Variants in SVOPL observed in about 807,000 individuals in gnomAD.
SVOPL encodes putative transporter SVOPL.
In SVOPL, 60 loss-of-function variants were observed where a neutral mutation model predicts 61.0. The ratio of observed to expected loss-of-function variants is 0.98; its 90% CI spans 0.80 to 1.22. The LOEUF is 1.22. Ranked by LOEUF, SVOPL falls within the 50% of genes most tolerant of loss-of-function variation. SVOPL has a pLI of 0.00. For synonymous variants in SVOPL, 279 were observed against 250.0 expected (o/e 1.12, Z -1.09); for missense variants, 662 against 643.9 (o/e 1.03, Z -0.30).
At position 138,636,224 on chromosome 7, in the gene SVOPL, G is replaced by A. The variant is rs138787357; in HGVS notation, c.790-6102C>T. On this transcript the variant is annotated intron_variant, in intron 9 of 15. Transcript: ENST00000674285. The stretch of plus-strand genomic sequence containing the variant: ...ATTACAGGCATGAGCCACTGGGCCC[G>A]GCTGAAAAATAATAATTTTTAAAAT... Among the ~76,000 whole-genome samples, 278 of 152,062 alleles carry A rather than the reference G, an allele frequency of 1.8e-3. 1 individual carries two copies. The highest frequency in any genetic ancestry group is 6.5e-3 in the African/African-American group (270 of 41,462).
At chr7:138,642,161 T>C (rs1800836355) in intron 9 of SVOPL, among the ~76,000 whole-genome samples, 1 of 151,396 alleles carries the variant, frequency 6.6e-6, no homozygotes, top group South Asian at 2.1e-4. Flanking sequence ...ATACATTTAC[T>C]CTTGAGACAT....
intron 1 of SVOPL, among the ~76,000 whole-genome samples, chr7:138,685,908 G>A (rs868208373): frequency 2.6e-5 from 4 of 151,874 alleles, no homozygotes; most frequent in Non-Finnish European, 5.9e-5. Context: ...AAATAAAAAG[G>A]CTAGAGGAAA....
chr7:138,602,441 C>CGCTATATA, intron 14 of SVOPL, among the ~76,000 whole-genome samples: 1 of 140,752 alleles, frequency 7.1e-6, no homozygotes, highest in South Asian at 2.3e-4. Flanking sequence ...AAGGCAGTTG[C>CGCTATATA]TATATATATA....
At chr7:138,662,115 G>A (rs1802028207) in intron 5 of SVOPL, 2 of 985,348 alleles carry the variant, frequency 2.0e-6, no homozygotes, top group Middle Eastern at 5.2e-4. Context: ...TCATTTAAGA[G>A]CATGGGCTTC....
intron 8 of SVOPL, chr7:138,646,007 G>A (rs1801088326): frequency 6.3e-6 from 1 of 158,244 alleles, no homozygotes; most frequent in Admixed American, 6.5e-5. Flanking sequence ...GTAGAGATGG[G>A]GTTTCACCAT....
chr7:138,672,142 ATGTCTAAGTGCCAGCT>A, intron 3 of SVOPL, 25 bp from the exon 4 acceptor site: 1 of 1,546,228 alleles, frequency 6.5e-7, no homozygotes, highest in Non-Finnish European at 8.8e-7. Context: ...ACACCATGCC[ATGTCTAAGTGCCAGCT>A]TGTCATCACT....
At position 138,661,868 on chromosome 7, in the gene SVOPL, C is replaced by T. The variant is rs28539176; in HGVS notation, c.345+1206G>A. On this transcript the variant is annotated intron_variant, in intron 5 of 15. Transcript: ENST00000674285. Reference sequence around the variant, plus strand: ...ATAAACTCCCTACTTATATTAATTTCGTCTCTGTTTCTTCCTTTAGGTCAA... The same window carrying T: ...ATAAACTCCCTACTTATATTAATTTTGTCTCTGTTTCTTCCTTTAGGTCAA... The T allele has an allele frequency of 8.4e-3, 8,291 of 982,904 alleles. 481 individuals are homozygous for T. The African/African-American group carries it at 0.13, about 16-fold the overall frequency. The allele number at this position is 982,904 out of a possible 1,614,324, so 60.9% of individuals were successfully genotyped here.
chr7:138,603,074 C>A (rs1397767149), intron 14 of SVOPL, among the ~76,000 whole-genome samples: 2 of 152,010 alleles, frequency 1.3e-5, no homozygotes, highest in African/African-American at 2.4e-5. Flanking sequence ...CACATATATA[C>A]AAATATGACT....
chr7:138,689,511 A>G, intron 1 of SVOPL: 2 of 688,094 alleles, frequency 2.9e-6, no homozygotes, highest in South Asian at 1.6e-5. Context: ...ACAAAAACTT[A>G]TGACACGAGA....
intron 1 of SVOPL, among the ~76,000 whole-genome samples, chr7:138,699,665 T>C (rs180926405): frequency 1.3e-5 from 2 of 152,166 alleles, no homozygotes. Flanking sequence ...AAAATCAATA[T>C]ATTTTAGAGG....
At chr7:138,672,876 A>G (rs967180412) in intron 3 of SVOPL, among the ~76,000 whole-genome samples, 1 of 149,710 alleles carries the variant, frequency 6.7e-6, no homozygotes, top group Non-Finnish European at 1.5e-5. Context: ...CATATTTTGC[A>G]ATCCGTTATA....
intron 1 of SVOPL, among the ~76,000 whole-genome samples, chr7:138,687,228 CTTTT>C (rs71179722): frequency 1.7e-3 from 129 of 77,038 alleles, no homozygotes; most frequent in African/African-American, 4.3e-3. Context: ...CTTTTTTCCT[CTTTT>C]TTTTTTTTTT....
intron 13 of SVOPL, among the ~76,000 whole-genome samples, chr7:138,622,150 GTATCTATCTGTC>G (rs1799659743): frequency 1.6e-4 from 4 of 24,354 alleles, no homozygotes; most frequent in Admixed American, 4.5e-4. Flanking sequence ...ATCTATCTAT[GTATCTATCTGTC>G]TATGTATCTA....
intron 13 of SVOPL, among the ~76,000 whole-genome samples, chr7:138,623,643 C>T (rs1394030782): frequency 6.6e-6 from 1 of 152,020 alleles, no homozygotes; most frequent in Non-Finnish European, 1.5e-5. Context: ...AGAAATGACC[C>T]TCAAAATGAG....
At chr7:138,602,767 C>T (rs1239202796) in intron 14 of SVOPL, among the ~76,000 whole-genome samples, 2 of 152,024 alleles carry the variant, frequency 1.3e-5, no homozygotes, top group Non-Finnish European at 2.9e-5. Flanking sequence ...CTCTCTCAGG[C>T]CATTTCTGAC....
chr7:138,664,624 G>A (rs1300833033), intron 4 of SVOPL, among the ~76,000 whole-genome samples: 1 of 128,248 alleles, frequency 7.8e-6, no homozygotes, highest in Admixed American at 7.7e-5. Context: ...CCAGATGCGC[G>A]CCTAATCTCC....
chr7:138,686,563 T>G (rs921137591), intron 1 of SVOPL, among the ~76,000 whole-genome samples: 13 of 65,900 alleles, frequency 2.0e-4, no homozygotes, highest in African/African-American at 1.1e-3. Flanking sequence ...GTTTTTTGGG[T>G]TTTTTTTTTT....
intron 9 of SVOPL, among the ~76,000 whole-genome samples, chr7:138,638,566 G>A (rs896887848): frequency 2.6e-5 from 4 of 151,942 alleles, no homozygotes; most frequent in East Asian, 3.9e-4. Context: ...CTGCACTCCC[G>A]CTGGGTGACA....
chr7:138,673,167 A>T (rs202158455), intron 3 of SVOPL, among the ~76,000 whole-genome samples: 4 of 103,328 alleles, frequency 3.9e-5, no homozygotes, highest in African/African-American at 1.9e-4. Context: ...GGGTTATTAT[A>T]ATAATGTTTA....
Sources: gnomAD v4.1 joint callset for allele counts (sites outside exome capture counted in the v4.1 genomes callset) on GRCh38, gnomAD v4.1.1 for gene constraint, MANE v1.5 for transcripts, NCBI Gene and HGNC (gene_info 2026-07-23, HGNC 2026-07-21) for gene names.